The following UCKL1 variants were observed in gnomAD, a reference collection of about 807,000 sequenced individuals.
UCKL1 encodes uridine-cytidine kinase 1 like 1.
UCKL1 carries 65 observed loss-of-function variants against 59.2 expected under a neutral mutation model. The observed-to-expected ratio is 1.10, with a 90% CI of 0.90 to 1.35. The LOEUF is 1.35. Ranked by LOEUF, UCKL1 falls within the 40% of genes most tolerant of loss-of-function variation. UCKL1 has a pLI of 0.00. For synonymous variants in UCKL1, 410 were observed against 323.1 expected (o/e 1.27, Z -2.88); for missense variants, 703 against 784.3 (o/e 0.90, Z 1.24).
Position 63,946,197 on chromosome 20 carries a change from G to A in UCKL1, c.375C>T (p.Pro125=), listed in dbSNP as rs867487970. 1 of 1,612,076 alleles carries A rather than the reference G, an allele frequency of 6.2e-7. No individual in the cohort carries two copies. Among genetic ancestry groups the A allele is most frequent in the Non-Finnish European group, 8.5e-7 (1 of 1,179,644 alleles). The change falls in exon 3 of 15, where the codon CCC becomes CCT. Residue 125 remains proline (P), a synonymous_variant. Coordinates refer to ENST00000354216, the MANE Select transcript of UCKL1 (RefSeq NM_017859.4). The part of the protein sequence containing the change: ...ARMIIEALDV[P]WVVLLSMDSF... ...AGTCCATGGACAGCAAGACCACCCA[G>A]GGCACATCCAGGGCCTCGATGATCA...
chr20:63,949,814 C>T (rs921501451), intron 1 of UCKL1, among the ~76,000 whole-genome samples: 3 of 152,264 alleles, frequency 2.0e-5, no homozygotes, highest in African/African-American at 4.8e-5. Context: ...ACCGCCCTTG[C>T]GGCTGCCTGC....
At chr20:63,950,330 C>G (rs1245213752) in intron 1 of UCKL1, among the ~76,000 whole-genome samples, 1 of 152,168 alleles carries the variant, frequency 6.6e-6, no homozygotes, top group Admixed American at 6.5e-5. Flanking sequence ...TTGAACAGTC[C>G]TTTGGAGGCT....
chr20:63,944,342 A>G, intron 7 of UCKL1, 55 bp downstream of exon 7: 1 of 1,500,382 alleles, frequency 6.7e-7, no homozygotes, highest in Non-Finnish European at 9.0e-7. Flanking sequence ...GTGGCAGCGG[A>G]GAAGTGGGTA....
rs1184878735 is a variant in UCKL1, at chr20:63,941,117, T to TGG, written c.1013_1014dup (p.Ile339ProfsTer20). On this transcript the variant is annotated frameshift_variant, in exon 9 of 15. Transcript: ENST00000354216. LOFTEE classifies it high-confidence loss of function. ...CCCCAGGTGGGCCCTCACCTGATGA[T>TGG]GGTGTGCATGCCCCGTACCTGCGGC... The TGG allele has an allele frequency of 6.3e-7, 1 of 1,598,686 alleles. No individual in the cohort carries two copies. Among genetic ancestry groups the TGG allele is most frequent in the Non-Finnish European group, 8.5e-7 (1 of 1,175,244 alleles).
At position 63,941,279 on chromosome 20, in the gene UCKL1, G is replaced by C. The variant is rs1158180699; in HGVS notation, c.924-71C>G. 9 of 1,454,730 alleles carry C rather than the reference G, an allele frequency of 6.2e-6. No individual in the cohort carries two copies. In the East Asian group the frequency reaches 2.3e-4, roughly 37 times the overall value. The allele number at this position is 1,454,730 out of a possible 1,614,324, so 90.1% of individuals were successfully genotyped here. On this transcript the variant is annotated intron_variant, in intron 8 of 14. Coordinates refer to ENST00000354216, the MANE Select transcript of UCKL1 (RefSeq NM_017859.4). The stretch of plus-strand genomic sequence containing the variant: ...CAGAGCCCTCCCTCCCCACAGGACG[G>C]CTGTGCGTCACTGTGAGGGGAACAC...
At chr20:63,944,898 C>T (rs1027493808) in intron 5 of UCKL1, among the ~76,000 whole-genome samples, 164 bp from the exon 6 acceptor site, 2 of 150,362 alleles carry the variant, frequency 1.3e-5, no homozygotes, top group African/African-American at 4.9e-5. Flanking sequence ...GGGGTGTCTG[C>T]ACCTGGTCCG....
chr20:63,950,100 G>A (rs6062597), intron 1 of UCKL1, among the ~76,000 whole-genome samples: 23,021 of 152,238 alleles, frequency 0.15, 2,134 homozygotes, highest in Non-Finnish European at 0.2. Context: ...GCTGGGAGTG[G>A]TGCCCATGCA....
At chr20:63,943,176 C>A (rs1279831285) in intron 8 of UCKL1, among the ~76,000 whole-genome samples, 2 of 152,210 alleles carry the variant, frequency 1.3e-5, no homozygotes, top group Admixed American at 1.3e-4. Context: ...GAGGACAGAG[C>A]TGGGGCAAGC....
In UCKL1 at chr20:63,939,885, T is replaced by TAACA; in HGVS notation, c.*87_*90dup. ...AAATGCATAGAATAAATTATACTAGTAACATTTTAAAAATTAACATCTTTG... is the reference window on the plus strand; with the variant it reads ...AAATGCATAGAATAAATTATACTAGTAACAAACATTTTAAAAATTAACATCTTTG... On this transcript the variant is annotated 3_prime_UTR_variant, in exon 15 of 15. Transcript: ENST00000354216. 9.1e-7 allele frequency: 1 copy of TAACA among 1,096,578 alleles called. No homozygotes were observed. The highest frequency in any genetic ancestry group is 1.3e-6 in the Non-Finnish European group (1 of 749,134). 67.9% of individuals were successfully genotyped at this position (1,096,578 alleles called of 1,614,324 possible). A position where few individuals can be genotyped will look rare whatever the true frequency, so the allele number is the denominator to read the frequency against.
chr20:63,952,518 C>G (rs941242276), intron 1 of UCKL1, among the ~76,000 whole-genome samples: 1 of 152,208 alleles, frequency 6.6e-6, no homozygotes, highest in Non-Finnish European at 1.5e-5. Context: ...AGGGGCCGCT[C>G]ACGGTGGGGA....
At chr20:63,942,451 C>G in intron 8 of UCKL1, 2 of 1,174,840 alleles carry the variant, frequency 1.7e-6, no homozygotes, top group Non-Finnish European at 2.1e-6. Flanking sequence ...ACAGCAGCAC[C>G]ACGGAGCACA....
At chr20:63,942,425 C>A in intron 8 of UCKL1, 1 of 1,170,050 alleles carries the variant, frequency 8.5e-7, no homozygotes, top group Non-Finnish European at 1.1e-6. Context: ...CAAGGGGCTA[C>A]GGGAAGGCGG....
In UCKL1 at chr20:63,944,594, G is replaced by A; in HGVS notation, c.795C>T (p.Asp265=). ...GGCGCATGGTGGGCTGGATGTACTG[G>A]TCGAAGGAGGGCTTGACAAACTTGT... ...QYNKFVKPSF[D]QYIQPTMRLA... is the part of the protein sequence containing the mutation. Residue 265 remains aspartate (D), a synonymous_variant, in exon 6 of 15, where the codon GAC becomes GAT. Transcript: ENST00000354216. The A allele has an allele frequency of 6.2e-7, 1 of 1,613,048 alleles. No homozygotes were observed. Among genetic ancestry groups the A allele is most frequent in the Non-Finnish European group, 8.5e-7 (1 of 1,179,858 alleles).
At position 63,939,896 on chromosome 20, in the gene UCKL1, AAATT is replaced by A. The variant is rs2053889358; in HGVS notation, c.*76_*79del. The stretch of plus-strand genomic sequence containing the variant: ...ATAAATTATACTAGTAACATTTTAA[AAATT>A]AACATCTTTGTATTCAGCAGTCCTG... On this transcript the variant is annotated 3_prime_UTR_variant, in exon 15 of 15. Transcript: ENST00000354216. 8.3e-7 allele frequency: 1 copy of A among 1,210,964 alleles called. No homozygotes were observed. The highest frequency in any genetic ancestry group is 1.5e-5 in the African/African-American group (1 of 65,526). The allele number at this position is 1,210,964 out of a possible 1,614,324, so 75.0% of individuals were successfully genotyped here.
intron 8 of UCKL1, chr20:63,942,599 G>A (rs376844803): frequency 1.4e-5 from 10 of 707,162 alleles, no homozygotes; most frequent in Non-Finnish European, 2.1e-5. Flanking sequence ...GGAGCAGGGC[G>A]TTCCCCGCAG....
chr20:63,947,199 G>A (rs2146568153), intron 1 of UCKL1, among the ~76,000 whole-genome samples: 2 of 152,328 alleles, frequency 1.3e-5, no homozygotes, highest in African/African-American at 4.8e-5. Context: ...CAGAGGAACA[G>A]CAAACAAGGA....
chr20:63,956,325 C>G lies in UCKL1; in HGVS notation c.48G>C (p.Ser16=). 6.4e-7 allele frequency: 1 copy of G among 1,552,688 alleles called. No individual in the cohort carries two copies. The highest frequency in any genetic ancestry group is 8.7e-7 in the Non-Finnish European group (1 of 1,152,984). ...CTGGTGTGTCTCGGGCCGTAGGTGG[C>G]GACGTGGGCGAAGGATCAGCGTCCG... ...ARADADPSPT[S]PPTARDTPGR... Residue 16 remains serine (S), a synonymous_variant, in exon 1 of 15, where the codon TCG becomes TCC. Coordinates refer to ENST00000354216, the MANE Select transcript of UCKL1 (RefSeq NM_017859.4).
At chr20:63,941,689 C>A (rs937869406) in intron 8 of UCKL1, 11 of 214,418 alleles carry the variant, frequency 5.1e-5, no homozygotes, top group African/African-American at 9.5e-5. Flanking sequence ...GGGGGCAAAG[C>A]TGGCTCAGTG....
chr20:63,951,094 C>G, intron 1 of UCKL1: 1 of 1,181,038 alleles, frequency 8.5e-7, no homozygotes, highest in Non-Finnish European at 1.0e-6. Flanking sequence ...AGAGGCACAG[C>G]AGCTAGGAGG....
Sources: gnomAD v4.1 joint callset for allele counts (sites outside exome capture counted in the v4.1 genomes callset) on GRCh38, gnomAD v4.1.1 for gene constraint, MANE v1.5 for transcripts, NCBI Gene and HGNC (gene_info 2026-07-23, HGNC 2026-07-21) for gene names.